Variants in RALGPS1 observed in about 807,000 individuals in gnomAD.
RALGPS1 encodes the protein Ral GEF with PH domain and SH3 binding motif 1.
A neutral mutation model predicts 78.8 loss-of-function variants in RALGPS1; 19 were observed. The observed-to-expected ratio is 0.24, with a 90% CI of 0.17 to 0.35. RALGPS1 has a LOEUF of 0.35. Among genes scored for constraint, RALGPS1 ranks in the 10% least tolerant of loss-of-function variants. RALGPS1 has a pLI of 1.00. For synonymous variants in RALGPS1, 228 were observed against 256.3 expected (o/e 0.89, Z 1.06); for missense variants, 454 against 688.3 (o/e 0.66, Z 3.81).
chr9:126,993,874 A>G (rs1417829168), intron 4 of RALGPS1, among the ~76,000 whole-genome samples: 1 of 152,180 alleles, frequency 6.6e-6, no homozygotes, highest in Non-Finnish European at 1.5e-5. Context: ...GTTCACCAGT[A>G]TCTGCTGTTC....
chr9:127,032,815 C>A lies in RALGPS1; in HGVS notation c.217-1616C>A, dbSNP rs144946810. 1.2e-3 allele frequency among the ~76,000 whole-genome samples: 183 copies of A among 152,072 alleles called. 2 individuals are homozygous for A. The highest frequency in any genetic ancestry group is 4.3e-3 in the African/African-American group (178 of 41,454). ...GACCAGCCTGGGCAACACAGTGAGA[C>A]CCCCATCTCTACAAAAATAAAAATT... On this transcript the variant is annotated intron_variant, in intron 4 of 18. Coordinates refer to ENST00000259351, the MANE Select transcript of RALGPS1 (RefSeq NM_014636.3).
At chr9:127,190,191 C>A (rs2140400913) in intron 11 of RALGPS1, among the ~76,000 whole-genome samples, 1 of 152,312 alleles carries the variant, frequency 6.6e-6, no homozygotes, top group Admixed American at 6.5e-5. Context: ...TTGCGTTTTA[C>A]TGCATATGTA....
chr9:127,183,876 TCAG>T lies in RALGPS1; in HGVS notation c.910+9099_910+9101del, dbSNP rs1468446040. ...CTCCTTTGTTCTTGAGTCTCCCATC[TCAG>T]CAGCCTGTCACATCAAGGTCAAGCA... is the stretch of plus-strand genomic sequence containing the variant. On this transcript the variant is annotated intron_variant, in intron 11 of 18. Transcript: ENST00000259351. The surrounding 1 kb of genome is among the most constrained non-coding windows in gnomAD (Gnocchi z 4.0). 2 of 1,549,108 alleles carry T rather than the reference TCAG, an allele frequency of 1.3e-6. No individual in the cohort carries two copies. Among genetic ancestry groups the T allele is most frequent in the Admixed American group, 3.9e-5 (2 of 50,964 alleles).
intron 4 of RALGPS1, among the ~76,000 whole-genome samples, chr9:126,999,109 T>C (rs1490373738): frequency 6.6e-6 from 1 of 151,466 alleles, no homozygotes; most frequent in Admixed American, 6.6e-5. Context: ...ATGGCACATG[T>C]ATACATATGT....
Position 127,212,010 on chromosome 9 carries a change from T to C in RALGPS1, c.1248-121T>C, listed in dbSNP as rs983126258. The stretch of plus-strand genomic sequence containing the variant: ...CCCTCCGGGCCTTGCTCTGCGCCGT[T>C]AAGTCTGGACTGCTGGGATGTCATG... On this transcript the variant is annotated intron_variant, in intron 14 of 18. Transcript: ENST00000259351. The surrounding 1 kb of genome is among the most constrained non-coding windows in gnomAD (Gnocchi z 6.0). 2.7e-6 allele frequency: 2 copies of C among 751,742 alleles called. No individual in the cohort carries two copies. The highest frequency in any genetic ancestry group is 4.2e-6 in the Non-Finnish European group (2 of 476,792). The allele number at this position is 751,742 out of a possible 1,614,324, so 46.6% of individuals were successfully genotyped here. A position where few individuals can be genotyped will look rare whatever the true frequency, so the allele number is the denominator to read the frequency against.
chr9:127,164,385 A>G (rs534915095), intron 8 of RALGPS1, among the ~76,000 whole-genome samples: 5 of 151,384 alleles, frequency 3.3e-5, no homozygotes, highest in Admixed American at 2.0e-4. Context: ...ACAGGCGCCC[A>G]CCACCACACG....
chr9:126,931,502 A>T (rs1224930092), intron 1 of RALGPS1, among the ~76,000 whole-genome samples: 1 of 152,236 alleles, frequency 6.6e-6, no homozygotes, highest in Non-Finnish European at 1.5e-5. Context: ...TTCTGAGTGA[A>T]AGAAGCAAGA....
intron 1 of RALGPS1, among the ~76,000 whole-genome samples, chr9:126,957,799 C>T (rs1396403268): frequency 2.0e-5 from 3 of 151,940 alleles, no homozygotes; most frequent in East Asian, 1.9e-4. Context: ...CTCTCAGTGC[C>T]GTCTCTTCTG....
intron 3 of RALGPS1, among the ~76,000 whole-genome samples, chr9:126,972,634 G>A (rs1416880820): frequency 6.6e-6 from 1 of 152,200 alleles, no homozygotes; most frequent in Admixed American, 6.5e-5. Flanking sequence ...CTGCTGATTT[G>A]CAGACATACC....
intron 1 of RALGPS1, among the ~76,000 whole-genome samples, chr9:126,936,182 CAG>C (rs1272527348): frequency 6.6e-6 from 1 of 152,190 alleles, no homozygotes; most frequent in Non-Finnish European, 1.5e-5. Context: ...CTGTTGTGAA[CAG>C]GGGATAGAGA....
At chr9:127,059,883 T>G (rs1385797058) in intron 7 of RALGPS1, among the ~76,000 whole-genome samples, 1 of 152,050 alleles carries the variant, frequency 6.6e-6, no homozygotes, top group Non-Finnish European at 1.5e-5. Context: ...GACTGAGAAA[T>G]AAGCCTCTCC....
intron 4 of RALGPS1, among the ~76,000 whole-genome samples, chr9:126,995,718 C>T (rs2042682920): frequency 6.6e-6 from 1 of 152,206 alleles, no homozygotes; most frequent in Admixed American, 6.5e-5. Context: ...CCCAAATCAA[C>T]AGAATATACA....
chr9:127,192,404 C>T (rs1411400743), intron 11 of RALGPS1, among the ~76,000 whole-genome samples: 1 of 152,220 alleles, frequency 6.6e-6, no homozygotes, highest in Non-Finnish European at 1.5e-5. Context: ...GCAGGCTTAG[C>T]CTTAGCTGTG....
intron 8 of RALGPS1, chr9:127,089,288 G>A (rs2052157988): frequency 2.5e-6 from 2 of 786,120 alleles, no homozygotes; most frequent in African/African-American, 3.5e-5. Context: ...GTGGTGAGAG[G>A]CCATGCTTCA....
intron 2 of RALGPS1, among the ~76,000 whole-genome samples, chr9:126,965,316 A>T (rs1455718674): frequency 6.6e-6 from 1 of 152,182 alleles, no homozygotes; most frequent in Non-Finnish European, 1.5e-5. Flanking sequence ...TTTGTGTAAC[A>T]ATTTCCTGCA....
At chr9:127,071,905 A>G (rs2050234676) in intron 8 of RALGPS1, among the ~76,000 whole-genome samples, 1 of 152,206 alleles carries the variant, frequency 6.6e-6, no homozygotes, top group Non-Finnish European at 1.5e-5. Flanking sequence ...CACCATGATC[A>G]GTTTTAAAGC....
chr9:126,940,155 C>A (rs2036624171), intron 1 of RALGPS1, among the ~76,000 whole-genome samples: 1 of 152,188 alleles, frequency 6.6e-6, no homozygotes, highest in Non-Finnish European at 1.5e-5. Context: ...TGTCACACTT[C>A]TTTACCATGT....
At chr9:127,137,874 T>A (rs563320283) in intron 8 of RALGPS1, among the ~76,000 whole-genome samples, 17 of 152,306 alleles carry the variant, frequency 1.1e-4, no homozygotes, top group African/African-American at 3.8e-4. Context: ...GAACAAGTTG[T>A]TTGATATCTC....
chr9:126,923,172 T>C (rs1240588060), intron 1 of RALGPS1, among the ~76,000 whole-genome samples: 2 of 152,244 alleles, frequency 1.3e-5, no homozygotes, highest in Admixed American at 1.3e-4. Context: ...CTGTCCATTA[T>C]ACAATATCTC....
Sources: allele counts gnomAD v4.1 joint callset (sites outside exome capture counted in the v4.1 genomes callset), GRCh38; gene constraint gnomAD v4.1.1; non-coding constraint Gnocchi (gnomAD v3.1); transcripts MANE v1.5; gene names NCBI Gene and HGNC (gene_info 2026-07-23, HGNC 2026-07-21).